Variants in KIRREL3 observed in about 807,000 individuals in gnomAD.
KIRREL3 encodes kin of IRRE-like protein 3.
In KIRREL3, 36 loss-of-function variants were observed where a neutral mutation model predicts 89.7. The ratio of observed to expected loss-of-function variants is 0.40; its 90% confidence interval spans 0.31 to 0.53. The LOEUF is 0.53. Among genes scored for constraint, KIRREL3 ranks in the 20% least tolerant of loss-of-function variants. The pLI is 0.49. For missense variants in KIRREL3, 864 were observed against 1,056.6 expected (o/e 0.82, Z 2.53); for synonymous variants, 445 against 441.4 (o/e 1.01, Z -0.10).
intron 1 of KIRREL3, among the ~76,000 whole-genome samples, chr11:126,730,793 C>A (rs998351510): frequency 1.1e-4 from 16 of 152,108 alleles, no homozygotes; most frequent in Admixed American, 1.0e-3. Context: ...GGCTGGAGTG[C>A]AGTGGTGCCA....
In KIRREL3 at chr11:126,521,019, A is replaced by T. The variant is rs978712430; in HGVS notation, c.433+296T>A. 6.6e-5 allele frequency among the ~76,000 whole-genome samples: 10 copies of T among 152,168 alleles called. No homozygotes were observed. Among genetic ancestry groups the T allele is most frequent in the Non-Finnish European group, 1.3e-4 (9 of 68,020 alleles). On this transcript the variant is annotated intron_variant, in intron 4 of 16. Transcript: ENST00000525144. The surrounding 1 kb of genome is among the most constrained non-coding windows in gnomAD (Gnocchi z 4.1). Reference sequence around the variant, plus strand: ...TAACGTGTGCAGAGCATGCTTTCTGATGGAATAAATAAGCATGTAGGAGCC... The same window carrying T: ...TAACGTGTGCAGAGCATGCTTTCTGTTGGAATAAATAAGCATGTAGGAGCC...
Position 126,909,771 on chromosome 11 carries a change from A to T in KIRREL3, c.55+90684T>A, listed in dbSNP as rs1467097944. Reference sequence around the variant, plus strand: ...TCAGCTTTCATGAAAACAGTTGTGCATGAGGCTGAAGCACCGCCATTATAA... The same window carrying T: ...TCAGCTTTCATGAAAACAGTTGTGCTTGAGGCTGAAGCACCGCCATTATAA... On this transcript the variant is annotated intron_variant, in intron 1 of 16. Transcript: ENST00000525144. The surrounding 1 kb of genome is among the most constrained non-coding windows in gnomAD (Gnocchi z 4.5). 1.3e-5 allele frequency among the ~76,000 whole-genome samples: 2 copies of T among 152,212 alleles called. No homozygotes were observed.
intron 1 of KIRREL3, among the ~76,000 whole-genome samples, chr11:126,665,760 AG>A (rs1478400577): frequency 6.6e-6 from 1 of 152,214 alleles, no homozygotes; most frequent in Non-Finnish European, 1.5e-5. Context: ...CACATGCTTC[AG>A]CCCCAGTGGT....
chr11:126,825,139 T>A (rs1943362851), intron 1 of KIRREL3, among the ~76,000 whole-genome samples: 1 of 152,148 alleles, frequency 6.6e-6, no homozygotes, highest in African/African-American at 2.4e-5. Flanking sequence ...CAGTCTAGGG[T>A]ACTTTCCACC....
At chr11:126,765,927 T>A (rs1236661702) in intron 1 of KIRREL3, among the ~76,000 whole-genome samples, 2 of 152,100 alleles carry the variant, frequency 1.3e-5, no homozygotes, top group African/African-American at 4.8e-5. Context: ...CTTCCCCCCA[T>A]AATCAAGTGC....
In KIRREL3 at chr11:126,430,522, G is replaced by A. The variant is rs1455785831; in HGVS notation, c.1696+897C>T. Among the ~76,000 whole-genome samples, 1 of 152,138 alleles carries A rather than the reference G, an allele frequency of 6.6e-6. No homozygotes were observed. The highest frequency in any genetic ancestry group is 1.5e-5 in the Non-Finnish European group (1 of 68,034). On this transcript the variant is annotated intron_variant, in intron 14 of 16. Coordinates refer to ENST00000525144, the MANE Select transcript of KIRREL3 (RefSeq NM_032531.4). The surrounding 1 kb of genome is among the most constrained non-coding windows in gnomAD (Gnocchi z 6.6). The stretch of plus-strand genomic sequence containing the variant: ...GCTTCCCTATAATTTCCACTGAGAC[G>A]GTGGTGATGGAGGTCCTGAGACCAC...
chr11:126,754,181 G>A lies in KIRREL3; in HGVS notation c.56-191269C>T, dbSNP rs1406188875. On this transcript the variant is annotated intron_variant, in intron 1 of 16. Transcript: ENST00000525144. This position sits in a 1 kb window ranked among gnomAD's most constrained non-coding sequence, Gnocchi z 5.1. The stretch of plus-strand genomic sequence containing the variant: ...ACTGTAGAATAATCCCCAAGGGAGA[G>A]CATATTTCATTTGCAATGTCTTTTG... Among the ~76,000 whole-genome samples the A allele has an allele frequency of 1.3e-5, 2 of 152,158 alleles. No homozygotes were observed. Among genetic ancestry groups the A allele is most frequent in the African/African-American group, 4.8e-5 (2 of 41,440 alleles).
At chr11:126,822,716 GGTCT>G (rs1166315924) in intron 1 of KIRREL3, among the ~76,000 whole-genome samples, 1 of 152,174 alleles carries the variant, frequency 6.6e-6, no homozygotes, top group African/African-American at 2.4e-5. Context: ...TTACTCAGCT[GGTCT>G]GAGCAGGAGG....
chr11:126,979,767 G>T (rs962476542), intron 1 of KIRREL3, among the ~76,000 whole-genome samples: 4 of 152,206 alleles, frequency 2.6e-5, no homozygotes, highest in African/African-American at 9.7e-5. Context: ...CTTTGTAGCA[G>T]ATGCTTAAGA....
In KIRREL3 at chr11:126,614,043, C is replaced by A. The variant is rs1243689160; in HGVS notation, c.56-51131G>T. On this transcript the variant is annotated intron_variant, in intron 1 of 16. Coordinates refer to ENST00000525144, the MANE Select transcript of KIRREL3 (RefSeq NM_032531.4). This position sits in a 1 kb window ranked among gnomAD's most constrained non-coding sequence, Gnocchi z 4.6. ...TGATGAGGTTCTTTTCTGTGTAATT[C>A]TTTTGGCTGAAAACTGAATAGAGTT... is the stretch of plus-strand genomic sequence containing the variant. Among the ~76,000 whole-genome samples, 1 of 151,704 alleles carries A rather than the reference C, an allele frequency of 6.6e-6. No individual in the cohort carries two copies. The highest frequency in any genetic ancestry group is 1.9e-4 in the East Asian group (1 of 5,186).
rs1478894188 is a variant in KIRREL3 at position 126,568,507 on chromosome 11, T to C, written c.56-5595A>G. ...GAGGGGCTGAAAAAATAGCTCCCAT[T>C]CCCCAGACAGTGCCTGAGATCATCT... is the stretch of plus-strand genomic sequence containing the variant. On this transcript the variant is annotated intron_variant, in intron 1 of 16. Transcript: ENST00000525144. This position sits in a 1 kb window ranked among gnomAD's most constrained non-coding sequence, Gnocchi z 4.6. Among the ~76,000 whole-genome samples, 1 of 152,106 alleles carries C rather than the reference T, an allele frequency of 6.6e-6. No individual in the cohort carries two copies. The highest frequency in any genetic ancestry group is 2.4e-5 in the African/African-American group (1 of 41,420).
intron 1 of KIRREL3, among the ~76,000 whole-genome samples, chr11:126,813,981 G>A (rs1239157437): frequency 7.2e-5 from 11 of 152,216 alleles, no homozygotes; most frequent in African/African-American, 2.4e-4. Context: ...CAGACAACCT[G>A]CAGAATGGGA....
At position 126,908,320 on chromosome 11, in the gene KIRREL3, T is replaced by A. The variant is rs1323328035; in HGVS notation, c.55+92135A>T. 6.6e-6 allele frequency among the ~76,000 whole-genome samples: 1 copy of A among 152,226 alleles called. No individual in the cohort carries two copies. Among genetic ancestry groups the A allele is most frequent in the African/African-American group, 2.4e-5 (1 of 41,464 alleles). The stretch of plus-strand genomic sequence containing the variant: ...TATGATCATTTTGTCCAGCCAAGAC[T>A]AAGAGATCTTTATGATCATTTCGTC... On this transcript the variant is annotated intron_variant, in intron 1 of 16. Coordinates refer to ENST00000525144, the MANE Select transcript of KIRREL3 (RefSeq NM_032531.4). The surrounding 1 kb of genome is among the most constrained non-coding windows in gnomAD (Gnocchi z 4.2).
At position 126,883,885 on chromosome 11, in the gene KIRREL3, G is replaced by A. The variant is rs1180495528; in HGVS notation, c.55+116570C>T. Among the ~76,000 whole-genome samples the A allele has an allele frequency of 6.6e-6, 1 of 152,168 alleles. No homozygotes were observed. The highest frequency in any genetic ancestry group is 2.1e-4 in the South Asian group (1 of 4,832). On this transcript the variant is annotated intron_variant, in intron 1 of 16. Coordinates refer to ENST00000525144, the MANE Select transcript of KIRREL3 (RefSeq NM_032531.4). This position sits in a 1 kb window ranked among gnomAD's most constrained non-coding sequence, Gnocchi z 4.1. ...ATTGGAATGGAGAGGTGGAGACATAGGTTTTGAATCGATACAAAGAACTTT... is the reference window on the plus strand; with the variant it reads ...ATTGGAATGGAGAGGTGGAGACATAAGTTTTGAATCGATACAAAGAACTTT...
At position 126,687,394 on chromosome 11, in the gene KIRREL3, A is replaced by G. The variant is rs935804224; in HGVS notation, c.56-124482T>C. Among the ~76,000 whole-genome samples the G allele has an allele frequency of 6.6e-6, 1 of 152,200 alleles. No homozygotes were observed. The highest frequency in any genetic ancestry group is 2.4e-5 in the African/African-American group (1 of 41,446). On this transcript the variant is annotated intron_variant, in intron 1 of 16. Coordinates refer to ENST00000525144, the MANE Select transcript of KIRREL3 (RefSeq NM_032531.4). This position sits in a 1 kb window ranked among gnomAD's most constrained non-coding sequence, Gnocchi z 4.6. Reference sequence around the variant, plus strand: ...CCTAGCCCAGAGTTTTAAAAAATTTATATTTTTAACCTTGATACCCAAGAA... The same window carrying G: ...CCTAGCCCAGAGTTTTAAAAAATTTGTATTTTTAACCTTGATACCCAAGAA...
At position 126,612,250 on chromosome 11, in the gene KIRREL3, T is replaced by C. The variant is rs1467687059; in HGVS notation, c.56-49338A>G. 1.3e-5 allele frequency among the ~76,000 whole-genome samples: 2 copies of C among 152,186 alleles called. No individual in the cohort carries two copies. Among genetic ancestry groups the C allele is most frequent in the African/African-American group, 4.8e-5 (2 of 41,450 alleles). On this transcript the variant is annotated intron_variant, in intron 1 of 16. Coordinates refer to ENST00000525144, the MANE Select transcript of KIRREL3 (RefSeq NM_032531.4). The surrounding 1 kb of genome is among the most constrained non-coding windows in gnomAD (Gnocchi z 4.5). ...CCCTTGGCATATAATAAATGCTCCC[T>C]CAGAATTTGAGTATTATATGGACAC...
intron 1 of KIRREL3, among the ~76,000 whole-genome samples, chr11:126,833,107 C>T (rs1943665049): frequency 6.6e-6 from 1 of 152,168 alleles, no homozygotes. Context: ...TATCTGGTCT[C>T]CTAGATGCTT....
At position 126,830,698 on chromosome 11, in the gene KIRREL3, C is replaced by A. The variant is rs1943577235; in HGVS notation, c.55+169757G>T. Among the ~76,000 whole-genome samples the A allele has an allele frequency of 6.6e-6, 1 of 152,128 alleles. No individual in the cohort carries two copies. Among genetic ancestry groups the A allele is most frequent in the Non-Finnish European group, 1.5e-5 (1 of 68,038 alleles). ...CATTCATTGTCTAACTGCCTGGATG[C>A]AAAACTAACTTAGCATAGCAGCTGA... is the stretch of plus-strand genomic sequence containing the variant. On this transcript the variant is annotated intron_variant, in intron 1 of 16. Coordinates refer to ENST00000525144, the MANE Select transcript of KIRREL3 (RefSeq NM_032531.4). The surrounding 1 kb of genome is among the most constrained non-coding windows in gnomAD (Gnocchi z 4.9).
rs1945076421 is a variant in KIRREL3, at chr11:126,870,615, G to T, written c.55+129840C>A. On this transcript the variant is annotated intron_variant, in intron 1 of 16. Transcript: ENST00000525144. The surrounding 1 kb of genome is among the most constrained non-coding windows in gnomAD (Gnocchi z 4.4). ...GCCAGGCTTGGCAGGCCCCAAACTG[G>T]ACAGACAGAAGCTCCCTCCAACCTC... 6.6e-6 allele frequency among the ~76,000 whole-genome samples: 1 copy of T among 152,192 alleles called. No homozygotes were observed. Among genetic ancestry groups the T allele is most frequent in the African/African-American group, 2.4e-5 (1 of 41,460 alleles).
Sources: gnomAD v4.1 joint callset for allele counts (sites outside exome capture counted in the v4.1 genomes callset) on GRCh38, gnomAD v4.1.1 for gene constraint, Gnocchi (gnomAD v3.1) non-coding constraint, MANE v1.5 for transcripts, NCBI Gene and HGNC (gene_info 2026-07-23, HGNC 2026-07-21) for gene names.